DCUN1D1: variants seen among roughly 807,000 people sequenced by gnomAD.
DCUN1D1 encodes DCN1-like protein 1.
DCUN1D1 carries 3 observed loss-of-function variants against 39.0 expected under a neutral mutation model. That is an observed-to-expected ratio of 0.08 (90% CI 0.04 to 0.20). The LOEUF is 0.20. Ranked by LOEUF, DCUN1D1 falls within the 10% of genes least tolerant of loss-of-function variation. The pLI, the probability that DCUN1D1 is intolerant of heterozygous loss-of-function variation, is 1.00. For synonymous variants in DCUN1D1, 82 were observed against 96.3 expected, an observed-to-expected ratio of 0.85 and a Z score of 0.87; for missense variants, 158 against 302.4, an observed-to-expected ratio of 0.52 and a Z score of 3.54.
chr3:182,945,889 T>G (rs1212537846), intron 6 of DCUN1D1, among the ~76,000 whole-genome samples: 1 of 152,120 alleles, frequency 6.6e-6, no homozygotes, highest in African/African-American at 2.4e-5. Flanking sequence ...AATTATTAGG[T>G]ATATGCAGGA....
At chr3:182,979,396 G>A (rs1214215534) in intron 1 of DCUN1D1, among the ~76,000 whole-genome samples, 5 of 152,024 alleles carry the variant, frequency 3.3e-5, no homozygotes, top group Non-Finnish European at 5.9e-5. Context: ...TCCTCAAAGA[G>A]GCCTTTATGT....
chr3:182,975,289 G>A lies in DCUN1D1; in HGVS notation c.3+5198C>T, dbSNP rs945861868. 6.0e-5 allele frequency among the ~76,000 whole-genome samples: 9 copies of A among 150,448 alleles called. No homozygotes were observed. In the South Asian group the frequency reaches 1.9e-3, roughly 32 times the overall value. ...CCTCCTGGGTTCACGCCAGTCTCCCGCCTCAGCCTCCTGAGTAGCTGGGAC... is the reference window on the plus strand; with the variant it reads ...CCTCCTGGGTTCACGCCAGTCTCCCACCTCAGCCTCCTGAGTAGCTGGGAC... On this transcript the variant is annotated intron_variant, in intron 1 of 6. Coordinates refer to ENST00000292782, the MANE Select transcript of DCUN1D1 (RefSeq NM_020640.4).
rs1221124399 is a variant in DCUN1D1, at chr3:182,945,177, G to A, written c.701-4C>T. ...TCAATAAGAACAGGCCATGCTCCTGGAAAAAAGAAAAAATATGAAAGAAAG... is the reference window on the plus strand; with the variant it reads ...TCAATAAGAACAGGCCATGCTCCTGAAAAAAAGAAAAAATATGAAAGAAAG... On this transcript the variant is annotated splice_polypyrimidine_tract_variant and splice_region_variant and intron_variant, in intron 6 of 6. Transcript: ENST00000292782. The A allele has an allele frequency of 5.1e-5, 81 of 1,584,814 alleles. No homozygotes were observed. Among genetic ancestry groups the A allele is most frequent in the Non-Finnish European group, 6.5e-5 (76 of 1,170,578 alleles).
At chr3:182,958,045 C>T (rs950755435) in intron 4 of DCUN1D1, among the ~76,000 whole-genome samples, 7 of 151,810 alleles carry the variant, frequency 4.6e-5, no homozygotes, top group Non-Finnish European at 8.8e-5. Flanking sequence ...CACTCTCTGC[C>T]AATTTGTTTT....
chr3:182,972,100 G>C (rs1212391165), intron 1 of DCUN1D1, among the ~76,000 whole-genome samples: 5 of 142,794 alleles, frequency 3.5e-5, no homozygotes, highest in Non-Finnish European at 7.5e-5. Flanking sequence ...AGAAAAGGAA[G>C]GGTATAAGTT....
At chr3:182,975,693 AAAAAC>A (rs1440994174) in intron 1 of DCUN1D1, among the ~76,000 whole-genome samples, 2 of 129,518 alleles carry the variant, frequency 1.5e-5, no homozygotes, top group Admixed American at 1.4e-4. Context: ...AAAAAAAAAA[AAAAAC>A]AAAAACAAAA....
chr3:182,962,060 T>A (rs1426614930), intron 3 of DCUN1D1, among the ~76,000 whole-genome samples: 1 of 152,218 alleles, frequency 6.6e-6, no homozygotes, highest in East Asian at 1.9e-4. Flanking sequence ...ATTTTCCTTC[T>A]ACATTCTTTG....
intron 1 of DCUN1D1, among the ~76,000 whole-genome samples, chr3:182,974,094 A>C (rs1450487882): frequency 6.6e-6 from 1 of 151,646 alleles, no homozygotes; most frequent in East Asian, 1.9e-4. Context: ...TCTACTAAAA[A>C]TACAAAAATT....
chr3:182,972,924 C>A (rs941950300), intron 1 of DCUN1D1, among the ~76,000 whole-genome samples: 2 of 152,058 alleles, frequency 1.3e-5, no homozygotes, highest in Admixed American at 1.3e-4. Flanking sequence ...TGCCTGTAAT[C>A]CCAGCTACTC....
chr3:182,943,506 G>A lies in DCUN1D1; in HGVS notation c.*1588C>T, dbSNP rs1726241491. 6.6e-6 allele frequency: 1 copy of A among 152,514 alleles called. No individual in the cohort carries two copies. The highest frequency in any genetic ancestry group is 1.5e-5 in the Non-Finnish European group (1 of 68,008). 9.4% of individuals were successfully genotyped at this position (152,514 alleles called of 1,614,324 possible). Reference sequence around the variant, plus strand: ...CTATTTCAAAATCATGTAAAAAGCAGTTTTGATATGTCATTGTTTCTTAAA... The same window carrying A: ...CTATTTCAAAATCATGTAAAAAGCAATTTTGATATGTCATTGTTTCTTAAA... On this transcript the variant is annotated 3_prime_UTR_variant, in exon 7 of 7. Coordinates refer to ENST00000292782, the MANE Select transcript of DCUN1D1 (RefSeq NM_020640.4).
At chr3:182,985,379 A>T (rs917544759), upstream of DCUN1D1, 1 of 152,514 alleles carries the variant, frequency 6.6e-6, no homozygotes, top group East Asian at 1.9e-4. Flanking sequence ...CTGTAATCCC[A>T]GCACTTTGGG....
chr3:182,967,149 TA>T (rs1560176487), intron 1 of DCUN1D1, among the ~76,000 whole-genome samples: 2 of 149,150 alleles, frequency 1.3e-5, no homozygotes, highest in African/African-American at 4.9e-5. Context: ...TATATATATA[TA>T]TATATATATT....
chr3:182,973,795 G>A (rs1389258570), intron 1 of DCUN1D1, among the ~76,000 whole-genome samples: 3 of 143,474 alleles, frequency 2.1e-5, no homozygotes, highest in Admixed American at 6.9e-5. Flanking sequence ...TGACAAGTGC[G>A]AAACTCCGGC....
At chr3:182,966,221 C>T (rs1727660092) in intron 1 of DCUN1D1, among the ~76,000 whole-genome samples, 1 of 152,100 alleles carries the variant, frequency 6.6e-6, no homozygotes, top group Admixed American at 6.5e-5. Flanking sequence ...TACTGCAGTC[C>T]TAATACCCAC....
chr3:182,962,140 T>C (rs1029346713), intron 3 of DCUN1D1, among the ~76,000 whole-genome samples: 2 of 152,240 alleles, frequency 1.3e-5, no homozygotes, highest in Non-Finnish European at 2.9e-5. Context: ...ATTACATGAA[T>C]TCAGTTTCAA....
chr3:182,952,153 T>C (rs551288810), intron 4 of DCUN1D1, among the ~76,000 whole-genome samples: 24 of 152,330 alleles, frequency 1.6e-4, no homozygotes, highest in African/African-American at 5.8e-4. Context: ...AATACTCTTA[T>C]GTCCTCTCTG....
chr3:182,969,955 T>A lies in DCUN1D1; in HGVS notation c.4-4202A>T, dbSNP rs560607681. 2.0e-5 allele frequency among the ~76,000 whole-genome samples: 3 copies of A among 152,282 alleles called. No homozygotes were observed. The South Asian group carries it at 6.2e-4, about 32-fold the overall frequency. ...GCATTATTTTTTTCACTCAAGAAAT[T>A]CAAGAATTAAGAGAATCAGCCAGGT... On this transcript the variant is annotated intron_variant, in intron 1 of 6. Transcript: ENST00000292782.
chr3:182,960,460 A>G (rs1175136160), intron 4 of DCUN1D1, among the ~76,000 whole-genome samples: 2 of 152,166 alleles, frequency 1.3e-5, no homozygotes, highest in African/African-American at 2.4e-5. Flanking sequence ...ATTCATAACT[A>G]TCTTCTCACT....
Position 182,965,737 on chromosome 3 carries a change from G to A in DCUN1D1, c.20C>T (p.Ser7Leu). ...AAACTGACGAACTTTATCCTTCTGC[G>A]ATGATTTCAACTTGTTCTATTGAAA... is the stretch of plus-strand genomic sequence containing the variant. MNKLKSSQKDKVRQFMI... is the reference protein window; with the variant it reads MNKLKSLQKDKVRQFMI... The change falls in exon 2 of 7, where the codon TCG becomes TTG. Residue 7 changes from serine (S) to leucine (L), a missense_variant. Ser to Leu is a moderately radical substitution (Grantham distance 145). This residue lies in a region of DCUN1D1 where 12 missense variants were observed against 53.3 expected (regional missense o/e 0.22). Coordinates refer to ENST00000292782, the MANE Select transcript of DCUN1D1 (RefSeq NM_020640.4). 1 of 1,612,328 alleles carries A rather than the reference G, an allele frequency of 6.2e-7. No individual in the cohort carries two copies. The highest frequency in any genetic ancestry group is 8.5e-7 in the Non-Finnish European group (1 of 1,179,048).
Sources: allele counts gnomAD v4.1 joint callset (sites outside exome capture counted in the v4.1 genomes callset), GRCh38; gene constraint gnomAD v4.1.1; regional missense constraint gnomAD v4.1.1; transcripts MANE v1.5; gene names NCBI Gene and HGNC (gene_info 2026-07-23, HGNC 2026-07-21).